RBFOX1: variants seen among roughly 807,000 people sequenced by gnomAD.
RBFOX1 encodes the protein RNA binding protein fox-1 homolog 1.
In RBFOX1, 8 loss-of-function variants were observed where a neutral mutation model predicts 57.7. That is an observed-to-expected ratio of 0.14 (90% CI 0.08 to 0.25). The LOEUF (loss-of-function observed/expected upper bound fraction) is 0.25. RBFOX1 is among the 10% of genes least tolerant of loss of function. RBFOX1 has a pLI of 1.00. For synonymous variants in RBFOX1, 326 were observed against 222.4 expected (o/e 1.47, Z -4.15); for missense variants, 611 against 548.5 (o/e 1.11, Z -1.14).
At chr16:5,944,613 A>C (rs2059354277) in intron 4 of RBFOX1, among the ~76,000 whole-genome samples, 1 of 151,408 alleles carries the variant, frequency 6.6e-6, no homozygotes, top group Non-Finnish European at 1.5e-5. Context: ...GGCAACGAGG[A>C]AATCTATACT....
At chr16:6,151,579 A>G (rs1282922643) in intron 1 of RBFOX1, among the ~76,000 whole-genome samples, 1 of 152,112 alleles carries the variant, frequency 6.6e-6, no homozygotes, top group Non-Finnish European at 1.5e-5. Context: ...AGCCACTGCA[A>G]CTGGCCTATA....
chr16:7,490,637 C>G (rs1210644272), intron 4 of RBFOX1, among the ~76,000 whole-genome samples: 1 of 152,148 alleles, frequency 6.6e-6, no homozygotes. Flanking sequence ...TGGAAGGAAC[C>G]ATGAGGAAGA....
At chr16:5,463,787 G>T (rs1302195838) in intron 1 of RBFOX1, among the ~76,000 whole-genome samples, 1 of 148,268 alleles carries the variant, frequency 6.7e-6, no homozygotes, top group Non-Finnish European at 1.5e-5. Flanking sequence ...GTGACAGAGT[G>T]AGACTGTCTC....
chr16:7,654,368 G>T (rs967729078), intron 12 of RBFOX1, among the ~76,000 whole-genome samples: 2 of 152,070 alleles, frequency 1.3e-5, no homozygotes, highest in Non-Finnish European at 2.9e-5. Flanking sequence ...CGTCTTGCTC[G>T]CCTCCCCAGG....
intron 4 of RBFOX1, among the ~76,000 whole-genome samples, chr16:7,205,021 A>G (rs1424198662): frequency 2.6e-5 from 4 of 152,174 alleles, no homozygotes; most frequent in Non-Finnish European, 5.9e-5. Flanking sequence ...CATGTGTAAC[A>G]AGGGGAGGTG....
chr16:6,521,872 T>C (rs2007321667), intron 2 of RBFOX1, among the ~76,000 whole-genome samples: 1 of 152,256 alleles, frequency 6.6e-6, no homozygotes, highest in East Asian at 1.9e-4. Context: ...GAAGTCCTTA[T>C]CACTGGCCCA....
intron 4 of RBFOX1, among the ~76,000 whole-genome samples, chr16:7,109,098 A>G (rs988556316): frequency 6.6e-6 from 1 of 152,192 alleles, no homozygotes; most frequent in Non-Finnish European, 1.5e-5. Context: ...GTGAGGATGG[A>G]AAAAGAGCCA....
At chr16:5,642,143 T>C (rs1032532243) in intron 3 of RBFOX1, among the ~76,000 whole-genome samples, 1 of 152,168 alleles carries the variant, frequency 6.6e-6, no homozygotes, top group Non-Finnish European at 1.5e-5. Flanking sequence ...TGATTCACTT[T>C]AGAGGCCATG....
chr16:6,563,834 AAAT>A (rs2097217815), intron 2 of RBFOX1, among the ~76,000 whole-genome samples: 1 of 151,910 alleles, frequency 6.6e-6, no homozygotes, highest in Admixed American at 6.6e-5. Context: ...TCCAAAAAAA[AAAT>A]ATATATATAT....
At chr16:5,735,521 C>T (rs1394947996) in intron 3 of RBFOX1, among the ~76,000 whole-genome samples, 1 of 152,226 alleles carries the variant, frequency 6.6e-6, no homozygotes, top group Non-Finnish European at 1.5e-5. Flanking sequence ...CGCATCTTGA[C>T]CCTTCTCCTG....
At chr16:6,640,702 GC>G in intron 2 of RBFOX1, among the ~76,000 whole-genome samples, 1 of 152,062 alleles carries the variant, frequency 6.6e-6, no homozygotes, top group Non-Finnish European at 1.5e-5. Context: ...GAAACACTGG[GC>G]AAATACTTGT....
In RBFOX1 at chr16:6,256,171, GTA is replaced by G. The variant is rs1302097316; in HGVS notation, c.-126-60811_-126-60810del. Among the ~76,000 whole-genome samples the G allele has an allele frequency of 3.4e-3, 26 of 7,638 alleles. 3 individuals are homozygous for G. The highest frequency in any genetic ancestry group is 6.7e-3 in the African/African-American group (26 of 3,854). 5.0% of individuals were successfully genotyped at this position (7,638 alleles called of 152,430 possible). ...TATATATATATATGTATATATATAT[GTA>G]TATATATATATACGTATATATATGT... On this transcript the variant is annotated intron_variant, in intron 1 of 15. Transcript: ENST00000550418.
chr16:6,346,500 CA>C (rs5815302), intron 2 of RBFOX1, among the ~76,000 whole-genome samples: 33,317 of 152,004 alleles, frequency 0.22, 4,019 homozygotes, highest in Middle Eastern at 0.32. Flanking sequence ...TCCAACGAGG[CA>C]AGGCTGATCT....
chr16:6,183,115 G>A (rs960803249), intron 1 of RBFOX1, among the ~76,000 whole-genome samples: 2 of 152,078 alleles, frequency 1.3e-5, no homozygotes, highest in Non-Finnish European at 2.9e-5. Context: ...GTTCTATTGG[G>A]TGTCAGGTGG....
chr16:7,268,497 A>G (rs537756376), intron 4 of RBFOX1, among the ~76,000 whole-genome samples: 2 of 152,286 alleles, frequency 1.3e-5, no homozygotes, highest in Admixed American at 1.3e-4. Context: ...CTCCTTTCCA[A>G]AGATGCTCTG....
chr16:6,969,157 C>T (rs1396259926), intron 3 of RBFOX1, among the ~76,000 whole-genome samples: 2 of 152,148 alleles, frequency 1.3e-5, no homozygotes, highest in South Asian at 2.1e-4. Context: ...GCTGTCTGTC[C>T]CCAAAATAGG....
intron 4 of RBFOX1, among the ~76,000 whole-genome samples, chr16:7,378,661 C>T (rs558090377): frequency 1.3e-5 from 2 of 152,116 alleles, no homozygotes; most frequent in Non-Finnish European, 2.9e-5. Context: ...TCAGTTTTGA[C>T]CTCCCAATGT....
chr16:7,264,513 G>A (rs953893913), intron 4 of RBFOX1, among the ~76,000 whole-genome samples: 1 of 152,158 alleles, frequency 6.6e-6, no homozygotes, highest in East Asian at 1.9e-4. Context: ...GTTAGTCTTT[G>A]CTGACCACGT....
chr16:5,387,624 G>A (rs181106085), intron 1 of RBFOX1, among the ~76,000 whole-genome samples: 59 of 152,312 alleles, frequency 3.9e-4, no homozygotes, highest in African/African-American at 1.4e-3. Context: ...ACACCTATTG[G>A]CAAGGGAGTT....
Sources: allele counts gnomAD v4.1 joint callset (sites outside exome capture counted in the v4.1 genomes callset), GRCh38; gene constraint gnomAD v4.1.1; transcripts MANE v1.5; gene names NCBI Gene and HGNC (gene_info 2026-07-23, HGNC 2026-07-21).